CSMD1: variants seen among roughly 807,000 people sequenced by gnomAD.
CSMD1 encodes CUB and sushi domain-containing protein 1.
Under a neutral mutation model 417.5 loss-of-function variants are expected in CSMD1, and 213 were observed. The observed-to-expected ratio is 0.51, with a 90% confidence interval of 0.46 to 0.57. The LOEUF is 0.57. CSMD1 is among the 20% of genes least tolerant of loss of function. The probability of loss-of-function intolerance (pLI) is 0.00; values close to 1 mark genes in which losing one functional copy is unlikely to be tolerated. For missense variants in CSMD1, 6,923 were observed against 4,529.7 expected (o/e 1.53, Z -15.17); for synonymous variants, 2,862 against 1,736.8 (o/e 1.65, Z -16.11).
chr8:3,708,612 T>C, intron 6 of CSMD1, 121 bp from the exon 7 acceptor site: 1 of 758,166 alleles, frequency 1.3e-6, no homozygotes, highest in Non-Finnish European at 2.3e-6. Context: ...TGGGAAATGT[T>C]CTAAGAGGTG....
chr8:4,050,906 C>G (rs367905539), intron 3 of CSMD1, among the ~76,000 whole-genome samples: 17 of 152,194 alleles, frequency 1.1e-4, no homozygotes, highest in Non-Finnish European at 2.2e-4. Context: ...CCTACCTTTA[C>G]GTGAGTCTTG....
chr8:3,437,328 C>G (rs1045040816), intron 12 of CSMD1, among the ~76,000 whole-genome samples: 1 of 152,170 alleles, frequency 6.6e-6, no homozygotes, highest in African/African-American at 2.4e-5. Flanking sequence ...TTATTATTGG[C>G]CTCAACTCGG....
intron 3 of CSMD1, among the ~76,000 whole-genome samples, chr8:4,225,150 T>C (rs1801272728): frequency 6.6e-6 from 1 of 152,202 alleles, no homozygotes; most frequent in African/African-American, 2.4e-5. Flanking sequence ...TATTTGTTCA[T>C]GTCAGGGCAA....
chr8:3,401,597 C>T (rs1812042083), intron 15 of CSMD1, among the ~76,000 whole-genome samples: 1 of 152,166 alleles, frequency 6.6e-6, no homozygotes, highest in African/African-American at 2.4e-5. Flanking sequence ...CCGTAACTAA[C>T]AGCCCTGCAA....
chr8:3,858,918 G>C (rs62482682), intron 5 of CSMD1, among the ~76,000 whole-genome samples: 5,931 of 152,194 alleles, frequency 0.039, 144 homozygotes, highest in Non-Finnish European at 0.051. Context: ...AAATGGATTT[G>C]GCGAGTTGGT....
At chr8:3,946,807 C>T (rs1811260674) in intron 5 of CSMD1, among the ~76,000 whole-genome samples, 1 of 152,058 alleles carries the variant, frequency 6.6e-6, no homozygotes, top group African/African-American at 2.4e-5. Context: ...ATTACTAAAT[C>T]TGTCATATTT....
chr8:3,797,885 T>G (rs1203082105), intron 5 of CSMD1, among the ~76,000 whole-genome samples: 2 of 152,084 alleles, frequency 1.3e-5, no homozygotes, highest in African/African-American at 2.4e-5. Context: ...TAAGTGAGCA[T>G]GCAAGTTGTT....
intron 7 of CSMD1, among the ~76,000 whole-genome samples, chr8:3,682,548 G>T (rs1207765655): frequency 6.6e-6 from 1 of 152,188 alleles, no homozygotes; most frequent in Non-Finnish European, 1.5e-5. Context: ...AACAACAGGT[G>T]CTGGAGAGGA....
intron 39 of CSMD1, among the ~76,000 whole-genome samples, chr8:3,156,002 G>C (rs1270738676): frequency 6.6e-6 from 1 of 152,194 alleles, no homozygotes; most frequent in Non-Finnish European, 1.5e-5. Flanking sequence ...GAGATGTGGG[G>C]AAATTAGGCT....
chr8:3,719,764 T>C (rs1419492562), intron 6 of CSMD1, among the ~76,000 whole-genome samples: 1 of 152,180 alleles, frequency 6.6e-6, no homozygotes, highest in Non-Finnish European at 1.5e-5. Context: ...ATTCCTCCTG[T>C]GTGGAAGGCA....
At chr8:4,032,397 G>T (rs530030506) in intron 3 of CSMD1, among the ~76,000 whole-genome samples, 1 of 151,944 alleles carries the variant, frequency 6.6e-6, no homozygotes, top group Non-Finnish European at 1.5e-5. Context: ...TATTTTTCTA[G>T]TCACAAAATT....
At chr8:4,471,004 A>G (rs931840449) in intron 2 of CSMD1, among the ~76,000 whole-genome samples, 2 of 152,200 alleles carry the variant, frequency 1.3e-5, no homozygotes, top group Non-Finnish European at 2.9e-5. Context: ...CATACTTTTT[A>G]TGTACGAGGA....
At chr8:4,984,683 C>G (rs1400003576) in intron 1 of CSMD1, among the ~76,000 whole-genome samples, 1 of 152,292 alleles carries the variant, frequency 6.6e-6, no homozygotes, top group East Asian at 1.9e-4. Context: ...ATGGAGAGAA[C>G]AAACCACTTG....
chr8:4,167,317 C>T (rs1797510843), intron 3 of CSMD1, among the ~76,000 whole-genome samples: 1 of 152,122 alleles, frequency 6.6e-6, no homozygotes, highest in Admixed American at 6.5e-5. Flanking sequence ...TCTTACGTAA[C>T]TTAGAGGTAT....
intron 5 of CSMD1, among the ~76,000 whole-genome samples, chr8:3,867,095 CATTTTG>C (rs1190087810): frequency 6.6e-6 from 1 of 151,998 alleles, no homozygotes; most frequent in African/African-American, 2.4e-5. Context: ...ATATTGTAAC[CATTTTG>C]ATTGATTGAT....
chr8:4,398,481 C>A (rs1023151456), intron 3 of CSMD1, among the ~76,000 whole-genome samples: 2 of 146,876 alleles, frequency 1.4e-5, no homozygotes, highest in South Asian at 4.3e-4. Flanking sequence ...GCAACCTCCT[C>A]TCCTGGGTTC....
At chr8:4,853,958 T>A (rs1377106637) in intron 1 of CSMD1, among the ~76,000 whole-genome samples, 1 of 152,138 alleles carries the variant, frequency 6.6e-6, no homozygotes, top group Non-Finnish European at 1.5e-5. Context: ...CCCTTTCTTT[T>A]GGCCATTTTT....
chr8:3,382,972 C>G (rs1195522515), intron 18 of CSMD1, among the ~76,000 whole-genome samples: 2 of 152,156 alleles, frequency 1.3e-5, no homozygotes, highest in Non-Finnish European at 2.9e-5. Context: ...GGCATGGCCA[C>G]TTAAACGCTG....
intron 7 of CSMD1, among the ~76,000 whole-genome samples, chr8:3,681,765 G>A (rs907986504): frequency 6.6e-6 from 1 of 152,158 alleles, no homozygotes; most frequent in Non-Finnish European, 1.5e-5. Flanking sequence ...AAAGCTGGAG[G>A]CATCACACTA....
Sources: allele counts gnomAD v4.1 joint callset (sites outside exome capture counted in the v4.1 genomes callset), GRCh38; gene constraint gnomAD v4.1.1; transcripts MANE v1.5; gene names NCBI Gene and HGNC (gene_info 2026-07-23, HGNC 2026-07-21).